Variants in CACNA2D1 observed in about 807,000 individuals in gnomAD.
The protein encoded by CACNA2D1 is calcium voltage-gated channel auxiliary subunit alpha2delta 1, also known as voltage-dependent calcium channel subunit alpha-2/delta-1.
Under a neutral mutation model 171.5 loss-of-function variants are expected in CACNA2D1, and 53 were observed. The ratio of observed to expected loss-of-function variants is 0.31; its 90% CI spans 0.25 to 0.39. CACNA2D1 has a LOEUF of 0.39. Ranked by LOEUF, CACNA2D1 falls within the 10% of genes least tolerant of loss-of-function variation. The pLI is 1.00. For missense variants in CACNA2D1, 903 were observed against 1,299.8 expected, an observed-to-expected ratio of 0.69 and a Z score of 4.69; for synonymous variants, 442 against 443.1, an observed-to-expected ratio of 1.00 and a Z score of 0.03.
At position 82,317,622 on chromosome 7, in the gene CACNA2D1, C is replaced by T. The variant is rs906050740; in HGVS notation, c.294+17513G>A. ...CTTCTTAATATGCTGATTTAGCCTC[C>T]AACAGTGACAGGGCAATTGGTGTGA... is the stretch of plus-strand genomic sequence containing the variant. On this transcript the variant is annotated intron_variant, in intron 3 of 38. Coordinates refer to ENST00000356860, the MANE Select transcript of CACNA2D1 (RefSeq NM_000722.4). Among the ~76,000 whole-genome samples the T allele has an allele frequency of 3.9e-5, 6 of 152,048 alleles. No homozygotes were observed. The South Asian group carries it at 1.0e-3, about 26-fold the overall frequency.
At chr7:82,221,009 C>G (rs887002380) in intron 3 of CACNA2D1, among the ~76,000 whole-genome samples, 1 of 152,092 alleles carries the variant, frequency 6.6e-6, no homozygotes, top group Non-Finnish European at 1.5e-5. Context: ...CTCCTGACCT[C>G]GCATGATCTG....
chr7:81,961,766 C>G lies in CACNA2D1; in HGVS notation c.2966+128G>C. 3 of 822,228 alleles carry G rather than the reference C, an allele frequency of 3.6e-6. No homozygotes were observed. The South Asian group carries it at 4.6e-5, about 13-fold the overall frequency. 50.9% of individuals were successfully genotyped at this position (822,228 alleles called of 1,614,324 possible). ...TTCAGCTTAAAACAATTACTCACAT[C>G]TCTGACTCCAACACAATTTTCAGTT... On this transcript the variant is annotated intron_variant, in intron 36 of 38. Transcript: ENST00000356860.
At chr7:82,435,553 C>G (rs1830050685) in intron 1 of CACNA2D1, among the ~76,000 whole-genome samples, 1 of 152,124 alleles carries the variant, frequency 6.6e-6, no homozygotes, top group African/African-American at 2.4e-5. Flanking sequence ...TCACAACCAC[C>G]AAGTCCTGAA....
At chr7:82,330,594 C>CAA (rs962309974) in intron 3 of CACNA2D1, among the ~76,000 whole-genome samples, 1 of 152,010 alleles carries the variant, frequency 6.6e-6, no homozygotes, top group African/African-American at 2.4e-5. Context: ...TTTCCAAACT[C>CAA]AAATAAAAAT....
intron 36 of CACNA2D1, among the ~76,000 whole-genome samples, chr7:81,960,127 A>G (rs1317658142): frequency 6.6e-6 from 1 of 152,076 alleles, no homozygotes; most frequent in Non-Finnish European, 1.5e-5. Context: ...TACATAGAAA[A>G]AAGTTTTTCT....
intron 3 of CACNA2D1, among the ~76,000 whole-genome samples, chr7:82,320,213 ATATC>A (rs754541898): frequency 1.3e-5 from 2 of 152,188 alleles, no homozygotes; most frequent in African/African-American, 2.4e-5. Context: ...AATTAAAAAT[ATATC>A]TATCATTTAA....
At chr7:81,986,471 C>A (rs1416120661) in intron 21 of CACNA2D1, among the ~76,000 whole-genome samples, 2 of 151,488 alleles carry the variant, frequency 1.3e-5, no homozygotes, top group Non-Finnish European at 2.9e-5. Flanking sequence ...ATCCTAACAT[C>A]ATTATATATT....
rs746356103 is a variant in CACNA2D1 at position 82,032,804 on chromosome 7, T to G, written c.1136A>C (p.Asp379Ala). Residue 379 changes from aspartate (D) to alanine (A), a missense_variant, in exon 12 of 39, where the codon GAT (aspartate) becomes GCT (alanine). Coordinates refer to ENST00000356860, the MANE Select transcript of CACNA2D1 (RefSeq NM_000722.4). ...AQEIFNKYNK[D>A]KKVRVFTFSV... is the part of the protein sequence containing the mutation. ...TTATAAAATTACACTCACTTTTTTA[T>G]CTTTATTGTATTTGTTAAATATCTC... The G allele has an allele frequency of 1.3e-5, 20 of 1,506,916 alleles. No homozygotes were observed. Among genetic ancestry groups the G allele is most frequent in the Non-Finnish European group, 1.7e-5 (18 of 1,087,492 alleles). 93.3% of individuals were successfully genotyped at this position (1,506,916 alleles called of 1,614,324 possible).
intron 10 of CACNA2D1, among the ~76,000 whole-genome samples, chr7:82,042,514 A>G (rs961583732): frequency 1.3e-5 from 2 of 152,168 alleles, no homozygotes; most frequent in African/African-American, 2.4e-5. Context: ...CCAAACTAAC[A>G]TCACATTGAT....
chr7:81,955,468 A>G (rs1793125175), intron 38 of CACNA2D1, among the ~76,000 whole-genome samples: 1 of 152,128 alleles, frequency 6.6e-6, no homozygotes, highest in Non-Finnish European at 1.5e-5. Flanking sequence ...TCAACATTCA[A>G]ATAGCACTAA....
At chr7:82,399,179 G>C (rs905718573) in intron 1 of CACNA2D1, among the ~76,000 whole-genome samples, 3 of 152,136 alleles carry the variant, frequency 2.0e-5, no homozygotes, top group Non-Finnish European at 4.4e-5. Context: ...TTGTAACTTA[G>C]CAAAAACTCT....
intron 18 of CACNA2D1, among the ~76,000 whole-genome samples, chr7:81,998,625 T>C (rs1343701303): frequency 1.3e-5 from 2 of 151,994 alleles, no homozygotes; most frequent in Non-Finnish European, 2.9e-5. Flanking sequence ...TTTTAAAAAA[T>C]AGCCATGTCT....
At chr7:82,095,576 G>C (rs1811757060) in intron 6 of CACNA2D1, among the ~76,000 whole-genome samples, 1 of 152,128 alleles carries the variant, frequency 6.6e-6, no homozygotes, top group Non-Finnish European at 1.5e-5. Context: ...AGCTAGGGTT[G>C]TGAAAATTAA....
chr7:82,115,434 G>A (rs1788928857), intron 6 of CACNA2D1, among the ~76,000 whole-genome samples: 1 of 151,914 alleles, frequency 6.6e-6, no homozygotes, highest in Admixed American at 6.6e-5. Context: ...AATCTCAAGT[G>A]ATTTTAAAAA....
chr7:82,135,186 T>C (rs1791462629), intron 5 of CACNA2D1, among the ~76,000 whole-genome samples: 1 of 152,072 alleles, frequency 6.6e-6, no homozygotes, highest in African/African-American at 2.4e-5. Context: ...TAAGGCTTTG[T>C]CATCGCTTTA....
chr7:82,397,133 G>C (rs1215888414), intron 1 of CACNA2D1, among the ~76,000 whole-genome samples: 2 of 152,056 alleles, frequency 1.3e-5, no homozygotes, highest in Non-Finnish European at 2.9e-5. Flanking sequence ...CAAAATCCAG[G>C]AGGCTTTCAT....
intron 1 of CACNA2D1, among the ~76,000 whole-genome samples, chr7:82,383,079 G>A (rs1823891144): frequency 6.6e-6 from 1 of 152,058 alleles, no homozygotes; most frequent in African/African-American, 2.4e-5. Flanking sequence ...CTAAAAGTCA[G>A]CAGAAATTTT....
chr7:82,268,494 C>A (rs1369701979), intron 3 of CACNA2D1, among the ~76,000 whole-genome samples: 1 of 152,188 alleles, frequency 6.6e-6, no homozygotes, highest in Non-Finnish European at 1.5e-5. Context: ...AAGTCACTCA[C>A]TCTCCCTCTA....
At chr7:82,124,426 T>C (rs991627481) in intron 5 of CACNA2D1, among the ~76,000 whole-genome samples, 1 of 152,114 alleles carries the variant, frequency 6.6e-6, no homozygotes, top group African/African-American at 2.4e-5. Flanking sequence ...GGAGTGTAAC[T>C]TTGTAACTTC....
Sources: gnomAD v4.1 joint callset for allele counts (sites outside exome capture counted in the v4.1 genomes callset) on GRCh38, gnomAD v4.1.1 for gene constraint, MANE v1.5 for transcripts, NCBI Gene and HGNC (gene_info 2026-07-23, HGNC 2026-07-21) for gene names.